GPC5: variants seen among roughly 807,000 people sequenced by gnomAD.
GPC5 encodes the protein glypican 5, also known as glypican-5.
In GPC5, 47 loss-of-function variants were observed where a neutral mutation model predicts 53.9. The observed-to-expected ratio is 0.87, with a 90% confidence interval of 0.69 to 1.11. GPC5 has a LOEUF of 1.11. Ranked by LOEUF, GPC5 falls within the 50% of genes most tolerant of loss-of-function variation. The probability of loss-of-function intolerance (pLI) is 0.00; values close to 1 mark genes in which losing one functional copy is unlikely to be tolerated. For synonymous variants in GPC5, 286 were observed against 263.3 expected (o/e 1.09, Z -0.84); for missense variants, 748 against 713.1 (o/e 1.05, Z -0.56).
Position 92,125,952 on chromosome 13 carries a change from T to G in GPC5, c.1402-18878T>G, listed in dbSNP as rs1434830279. Among the ~76,000 whole-genome samples the G allele has an allele frequency of 3.2e-3, 203 of 62,650 alleles. 5 individuals carry two copies. The highest frequency in any genetic ancestry group is 6.9e-3 in the African/African-American group (132 of 19,020). The allele number at this position is 62,650 out of a possible 152,430, so 41.1% of individuals were successfully genotyped here. ...TTTTTTTTTTTTTTTTTTTTTTTTT[T>G]TTTTTTTTTTTTTTTTTTTTTGAGA... On this transcript the variant is annotated intron_variant, in intron 6 of 7. Coordinates refer to ENST00000377067, the MANE Select transcript of GPC5 (RefSeq NM_004466.6).
intron 7 of GPC5, among the ~76,000 whole-genome samples, chr13:92,263,553 G>A (rs144709675): frequency 6.6e-6 from 1 of 152,092 alleles, no homozygotes; most frequent in East Asian, 1.9e-4. Context: ...TTCTTGTCCT[G>A]TCTTCCAGGA....
chr13:92,735,349 G>A (rs1474210467), intron 7 of GPC5, among the ~76,000 whole-genome samples: 1 of 151,904 alleles, frequency 6.6e-6, no homozygotes, highest in Non-Finnish European at 1.5e-5. Context: ...TTTTATTGAA[G>A]TCATGCATTG....
chr13:91,598,050 C>T (rs1050985096), intron 2 of GPC5, among the ~76,000 whole-genome samples: 5 of 152,000 alleles, frequency 3.3e-5, no homozygotes, highest in African/African-American at 1.2e-4. Context: ...CAGTAACCCT[C>T]GAGTCTATCT....
At chr13:92,108,914 TCTA>T (rs1252414601) in intron 6 of GPC5, among the ~76,000 whole-genome samples, 4 of 152,150 alleles carry the variant, frequency 2.6e-5, no homozygotes, top group African/African-American at 9.7e-5. Flanking sequence ...AATGTACATC[TCTA>T]CTATGAAATA....
At chr13:91,911,562 T>A (rs1004036446) in intron 6 of GPC5, among the ~76,000 whole-genome samples, 14 of 151,712 alleles carry the variant, frequency 9.2e-5, no homozygotes, top group Admixed American at 3.3e-4. Context: ...AAATAAATAA[T>A]CACAACTTTA....
intron 7 of GPC5, among the ~76,000 whole-genome samples, chr13:92,518,065 G>C (rs1427120358): frequency 6.6e-6 from 1 of 151,952 alleles, no homozygotes; most frequent in Non-Finnish European, 1.5e-5. Flanking sequence ...TCAACTGGAA[G>C]AAAGGATATC....
intron 7 of GPC5, among the ~76,000 whole-genome samples, chr13:92,381,629 A>T (rs1288818290): frequency 6.6e-6 from 1 of 150,728 alleles, no homozygotes; most frequent in Non-Finnish European, 1.5e-5. Flanking sequence ...CTACCATTTG[A>T]TCCGGCAATC....
At chr13:91,617,053 C>A (rs1350273418) in intron 2 of GPC5, among the ~76,000 whole-genome samples, 1 of 152,092 alleles carries the variant, frequency 6.6e-6, no homozygotes, top group Non-Finnish European at 1.5e-5. Context: ...ATCTTTTTAG[C>A]ATTAAATCCA....
intron 6 of GPC5, among the ~76,000 whole-genome samples, chr13:92,126,263 A>T (rs1334008111): frequency 2.6e-5 from 4 of 152,116 alleles, no homozygotes; most frequent in African/African-American, 7.2e-5. Flanking sequence ...AAAATATTTC[A>T]TCAGAAATAT....
intron 7 of GPC5, among the ~76,000 whole-genome samples, chr13:92,693,826 A>C (rs894199821): frequency 1.3e-5 from 2 of 152,178 alleles, no homozygotes; most frequent in African/African-American, 4.8e-5. Context: ...TGAGGAGCCA[A>C]ATGTTAATAG....
chr13:92,598,871 G>T (rs1000592276), intron 7 of GPC5, among the ~76,000 whole-genome samples: 1 of 152,138 alleles, frequency 6.6e-6, no homozygotes, highest in African/African-American at 2.4e-5. Flanking sequence ...ACAAAAATTA[G>T]CTGGGTGTGG....
intron 5 of GPC5, among the ~76,000 whole-genome samples, chr13:91,877,395 G>T (rs976697255): frequency 1.3e-5 from 2 of 152,214 alleles, no homozygotes; most frequent in African/African-American, 2.4e-5. Context: ...GGGCAGAGCT[G>T]CCCAAGAGCA....
chr13:91,784,886 G>A (rs988990972), intron 5 of GPC5, among the ~76,000 whole-genome samples: 6 of 152,084 alleles, frequency 3.9e-5, no homozygotes, highest in African/African-American at 9.7e-5. Flanking sequence ...TTCAGAAGTC[G>A]CTTTCACCTC....
chr13:92,276,975 C>G (rs1297876857), intron 7 of GPC5, among the ~76,000 whole-genome samples: 1 of 151,746 alleles, frequency 6.6e-6, no homozygotes, highest in African/African-American at 2.4e-5. Flanking sequence ...GAAAAGTAAA[C>G]ATTACTTTTA....
intron 2 of GPC5, among the ~76,000 whole-genome samples, chr13:91,546,073 AAAT>A (rs1240516548): frequency 1.3e-5 from 2 of 152,158 alleles, no homozygotes; most frequent in African/African-American, 4.8e-5. Context: ...TATGACAATG[AAAT>A]AATAAGTTTT....
At chr13:91,959,547 G>A (rs1216161882) in intron 6 of GPC5, among the ~76,000 whole-genome samples, 1 of 151,896 alleles carries the variant, frequency 6.6e-6, no homozygotes, top group African/African-American at 2.4e-5. Context: ...AATTTTATAA[G>A]GCCAGCACTA....
At chr13:92,838,174 C>G (rs1404256645) in intron 7 of GPC5, among the ~76,000 whole-genome samples, 1 of 151,772 alleles carries the variant, frequency 6.6e-6, no homozygotes, top group African/African-American at 2.4e-5. Flanking sequence ...TACCACCCTA[C>G]TTTTAGCCCA....
At chr13:91,872,467 T>C (rs1037613769) in intron 5 of GPC5, among the ~76,000 whole-genome samples, 1 of 152,192 alleles carries the variant, frequency 6.6e-6, no homozygotes, top group African/African-American at 2.4e-5. Context: ...AACATATTCA[T>C]ATGTTGTTAA....
At chr13:91,663,536 T>C (rs926273605) in intron 2 of GPC5, among the ~76,000 whole-genome samples, 7 of 152,178 alleles carry the variant, frequency 4.6e-5, no homozygotes, top group African/African-American at 1.4e-4. Context: ...AAGCTCACTG[T>C]AACTTCATAT....
Sources: gnomAD v4.1 joint callset for allele counts (sites outside exome capture counted in the v4.1 genomes callset) on GRCh38, gnomAD v4.1.1 for gene constraint, MANE v1.5 for transcripts, NCBI Gene and HGNC (gene_info 2026-07-23, HGNC 2026-07-21) for gene names.